Variants in NRG3 observed in about 807,000 individuals in gnomAD.
NRG3 encodes the protein pro-neuregulin-3, membrane-bound isoform.
A neutral mutation model predicts 66.9 loss-of-function variants in NRG3; 31 were observed. The observed-to-expected ratio is 0.46, with a 90% CI of 0.35 to 0.63. The LOEUF is 0.63. NRG3 is among the 20% of genes least tolerant of loss of function. The pLI, the probability that NRG3 is intolerant of heterozygous loss-of-function variation, is 0.00. For missense variants in NRG3, 910 were observed against 878.9 expected, an observed-to-expected ratio of 1.04 and a Z score of -0.45; for synonymous variants, 393 against 359.4, an observed-to-expected ratio of 1.09 and a Z score of -1.06.
At chr10:82,664,233 C>T (rs866502611) in intron 2 of NRG3, among the ~76,000 whole-genome samples, 2 of 152,130 alleles carry the variant, frequency 1.3e-5, no homozygotes, top group African/African-American at 2.4e-5. Context: ...TTAAATAATA[C>T]TGCCATACAA....
At chr10:82,112,531 A>G (rs1371098386) in intron 1 of NRG3, among the ~76,000 whole-genome samples, 1 of 152,176 alleles carries the variant, frequency 6.6e-6, no homozygotes, top group Non-Finnish European at 1.5e-5. Context: ...AATTAAATGT[A>G]GTTTGGTGAA....
intron 1 of NRG3, among the ~76,000 whole-genome samples, chr10:82,052,175 G>A (rs1186767022): frequency 6.6e-6 from 1 of 151,878 alleles, no homozygotes; most frequent in Non-Finnish European, 1.5e-5. Flanking sequence ...TTGTTTAGGG[G>A]CACTGCAGTG....
At chr10:82,761,712 T>C (rs2059309566) in intron 3 of NRG3, among the ~76,000 whole-genome samples, 1 of 151,782 alleles carries the variant, frequency 6.6e-6, no homozygotes, top group Non-Finnish European at 1.5e-5. Flanking sequence ...GTTTGGCTTG[T>C]AATAATTCCA....
intron 4 of NRG3, among the ~76,000 whole-genome samples, chr10:82,865,920 T>C (rs545652971): frequency 5.1e-4 from 77 of 152,296 alleles, no homozygotes; most frequent in Non-Finnish European, 1.0e-3. Flanking sequence ...AATTTTAGTT[T>C]GGAGTGTGGG....
intron 1 of NRG3, among the ~76,000 whole-genome samples, chr10:81,967,650 T>C (rs768078954): frequency 5.3e-5 from 8 of 152,188 alleles, no homozygotes; most frequent in Non-Finnish European, 1.0e-4. Flanking sequence ...CCAATTTCCT[T>C]TCATATTCTT....
chr10:82,317,907 C>T (rs2081374024), intron 1 of NRG3, among the ~76,000 whole-genome samples: 1 of 150,624 alleles, frequency 6.6e-6, no homozygotes, highest in African/African-American at 2.4e-5. Context: ...AAAAAATAGT[C>T]ATCTGTGCCT....
intron 2 of NRG3, among the ~76,000 whole-genome samples, chr10:82,542,094 C>G (rs370673851): frequency 6.6e-6 from 1 of 152,138 alleles, no homozygotes. Context: ...CACTGACAGG[C>G]CCCAGTGTGT....
intron 2 of NRG3, among the ~76,000 whole-genome samples, chr10:82,716,608 G>A (rs532039791): frequency 3.3e-5 from 5 of 152,254 alleles, no homozygotes; most frequent in South Asian, 4.1e-4. Flanking sequence ...ATAAATTAAC[G>A]TTTCTTTGTC....
At chr10:82,201,135 T>A (rs1177416062) in intron 1 of NRG3, among the ~76,000 whole-genome samples, 1 of 146,494 alleles carries the variant, frequency 6.8e-6, no homozygotes, top group Non-Finnish European at 1.5e-5. Flanking sequence ...GAAGTGGAGG[T>A]TGCGGTGAGC....
chr10:82,875,413 A>G (rs773873393), intron 4 of NRG3, among the ~76,000 whole-genome samples: 1 of 152,130 alleles, frequency 6.6e-6, no homozygotes, highest in Non-Finnish European at 1.5e-5. Flanking sequence ...GCTGGAGTGC[A>G]GTGGTGTAAT....
At chr10:82,389,791 A>G (rs2086232521) in intron 2 of NRG3, among the ~76,000 whole-genome samples, 1 of 152,224 alleles carries the variant, frequency 6.6e-6, no homozygotes, top group African/African-American at 2.4e-5. Context: ...ATTATGTACC[A>G]GAACAATAGC....
At chr10:82,024,495 T>A (rs1278831777) in intron 1 of NRG3, among the ~76,000 whole-genome samples, 1 of 152,084 alleles carries the variant, frequency 6.6e-6, no homozygotes, top group Non-Finnish European at 1.5e-5. Context: ...TTTAAAAGTT[T>A]ACATGTGGTT....
chr10:82,001,001 TAAACAAAC>T (rs2061142519), intron 1 of NRG3, among the ~76,000 whole-genome samples: 1 of 152,160 alleles, frequency 6.6e-6, no homozygotes, highest in African/African-American at 2.4e-5. Flanking sequence ...AAACTAAAAC[TAAACAAAC>T]ATTGCCGTGT....
At chr10:82,079,305 T>C (rs2065262372) in intron 1 of NRG3, among the ~76,000 whole-genome samples, 1 of 152,144 alleles carries the variant, frequency 6.6e-6, no homozygotes, top group Non-Finnish European at 1.5e-5. Flanking sequence ...CCCAAAGTGC[T>C]GGGATTACAG....
chr10:82,198,101 T>C lies in NRG3; in HGVS notation c.824-160638T>C, dbSNP rs915591796. On this transcript the variant is annotated intron_variant, in intron 1 of 8. Transcript: ENST00000372141. Reference sequence around the variant, plus strand: ...AATAAAACCTTACATGGTTGTTCCATTAAAAGCCCCTGCTTCTAATACATA... The same window carrying C: ...AATAAAACCTTACATGGTTGTTCCACTAAAAGCCCCTGCTTCTAATACATA... 3.3e-5 allele frequency among the ~76,000 whole-genome samples: 5 copies of C among 152,198 alleles called. 1 individual carries two copies. The highest frequency in any genetic ancestry group is 7.3e-5 in the Non-Finnish European group (5 of 68,034).
intron 2 of NRG3, among the ~76,000 whole-genome samples, chr10:82,486,798 T>C (rs1842717074): frequency 6.6e-6 from 1 of 152,082 alleles, no homozygotes; most frequent in Non-Finnish European, 1.5e-5. Flanking sequence ...TTGAGGGCAT[T>C]ATGTTAAGTG....
intron 2 of NRG3, among the ~76,000 whole-genome samples, chr10:82,666,839 G>A (rs1190283378): frequency 1.3e-5 from 2 of 152,186 alleles, no homozygotes; most frequent in Non-Finnish European, 2.9e-5. Context: ...TTCCAGCCAT[G>A]TGTTTATTCA....
At chr10:82,004,132 T>G (rs1431630389) in intron 1 of NRG3, among the ~76,000 whole-genome samples, 1 of 152,006 alleles carries the variant, frequency 6.6e-6, no homozygotes, top group Non-Finnish European at 1.5e-5. Flanking sequence ...AAAACATTAA[T>G]TGGAGTAAAA....
intron 5 of NRG3, among the ~76,000 whole-genome samples, chr10:82,953,352 G>A (rs1367927220): frequency 3.3e-5 from 5 of 151,954 alleles, no homozygotes; most frequent in Admixed American, 3.3e-4. Flanking sequence ...TTTAATTTTA[G>A]GAGTTCTAGT....
Sources: allele counts gnomAD v4.1 joint callset (sites outside exome capture counted in the v4.1 genomes callset), GRCh38; gene constraint gnomAD v4.1.1; transcripts MANE v1.5; gene names NCBI Gene and HGNC (gene_info 2026-07-23, HGNC 2026-07-21).